The following CCDC63 variants were observed in gnomAD, a reference collection of about 807,000 sequenced individuals.
The protein encoded by CCDC63 is coiled-coil domain containing 63.
Under a neutral mutation model 63.6 loss-of-function variants are expected in CCDC63, and 54 were observed. That is an observed-to-expected ratio of 0.85 (90% CI 0.68 to 1.07). The LOEUF (loss-of-function observed/expected upper bound fraction) is 1.07. Ranked by LOEUF, CCDC63 falls within the 50% of genes least tolerant of loss-of-function variation. CCDC63 has a pLI of 0.00. For missense variants in CCDC63, 637 were observed against 689.6 expected (o/e 0.92, Z 0.86); for synonymous variants, 253 against 266.1 (o/e 0.95, Z 0.48).
At chr12:110,851,579 G>A (rs1231273728) in intron 1 of CCDC63, among the ~76,000 whole-genome samples, 5 of 152,160 alleles carry the variant, frequency 3.3e-5, no homozygotes, top group Non-Finnish European at 4.4e-5. Context: ...AGAGTCGGAT[G>A]CCCCAATCTT....
chr12:110,848,530 A>C (rs1446682810), intron 1 of CCDC63, among the ~76,000 whole-genome samples: 1 of 152,158 alleles, frequency 6.6e-6, no homozygotes, highest in Non-Finnish European at 1.5e-5. Flanking sequence ...GATCAGCAAA[A>C]AGGCAGGAGG....
chr12:110,873,774 G>T, intron 4 of CCDC63, 68 bp from the exon 5 acceptor site: 1 of 1,567,442 alleles, frequency 6.4e-7, no homozygotes. Flanking sequence ...TTCAGTTAGT[G>T]AACTGTAGAA....
intron 2 of CCDC63, among the ~76,000 whole-genome samples, chr12:110,853,180 T>A (rs1025337328): frequency 6.6e-6 from 1 of 151,600 alleles, no homozygotes; most frequent in Non-Finnish European, 1.5e-5. Context: ...AAGAATACCC[T>A]CCCCTCACCA....
rs746010618 is a variant in CCDC63, at chr12:110,853,495, C to A, written c.100C>A (p.Leu34Ile). Residue 34 changes from leucine to isoleucine, a missense_variant, in exon 3 of 12, where the codon CTA (leucine) becomes ATA (isoleucine). Coordinates refer to ENST00000308208, the MANE Select transcript of CCDC63 (RefSeq NM_152591.3). ...EQQAEAELRK[L>I]RQQFRKMVES... ...GCAGGCGGAGGCAGAGCTCCGGAAGCTAAGGCAGCAGTTCAGGAAGATGGT... is the reference window on the plus strand; with the variant it reads ...GCAGGCGGAGGCAGAGCTCCGGAAGATAAGGCAGCAGTTCAGGAAGATGGT... 1.9e-6 allele frequency: 3 copies of A among 1,614,218 alleles called. No individual in the cohort carries two copies. The highest frequency in any genetic ancestry group is 2.5e-6 in the Non-Finnish European group (3 of 1,180,040).
intron 4 of CCDC63, among the ~76,000 whole-genome samples, chr12:110,870,226 C>A (rs538702802): frequency 6.6e-6 from 1 of 152,064 alleles, no homozygotes; most frequent in Non-Finnish European, 1.5e-5. Flanking sequence ...GAATTACAGG[C>A]GCCCACCACC....
chr12:110,869,111 A>G (rs1282101750), intron 4 of CCDC63, among the ~76,000 whole-genome samples: 1 of 152,210 alleles, frequency 6.6e-6, no homozygotes, highest in African/African-American at 2.4e-5. Flanking sequence ...ACGGAATCCC[A>G]GATGCAACTG....
chr12:110,854,860 G>A (rs578189915), intron 3 of CCDC63, among the ~76,000 whole-genome samples: 1 of 152,250 alleles, frequency 6.6e-6, no homozygotes, highest in African/African-American at 2.4e-5. Flanking sequence ...GTGCAGTGGT[G>A]CCATCTCGGC....
intron 4 of CCDC63, among the ~76,000 whole-genome samples, chr12:110,862,162 A>G (rs2070862339): frequency 6.6e-6 from 1 of 152,234 alleles, no homozygotes; most frequent in South Asian, 2.1e-4. Flanking sequence ...AAAGAGAAAA[A>G]TTGAAGAGGA....
chr12:110,874,800 C>T (rs1406261285), intron 5 of CCDC63, among the ~76,000 whole-genome samples: 4 of 152,158 alleles, frequency 2.6e-5, no homozygotes, highest in African/African-American at 9.7e-5. Flanking sequence ...TACCCTGGGG[C>T]CCCTCTCCTC....
intron 7 of CCDC63, among the ~76,000 whole-genome samples, chr12:110,883,447 G>T (rs1355990182): frequency 6.6e-6 from 1 of 152,190 alleles, no homozygotes; most frequent in Non-Finnish European, 1.5e-5. Flanking sequence ...TACCATGCCC[G>T]GCCAGGGCAG....
intron 4 of CCDC63, among the ~76,000 whole-genome samples, chr12:110,873,572 G>C (rs2071092647): frequency 6.6e-6 from 1 of 152,190 alleles, no homozygotes; most frequent in Non-Finnish European, 1.5e-5. Flanking sequence ...TACATGCACA[G>C]GTGACAGCAA....
intron 4 of CCDC63, among the ~76,000 whole-genome samples, chr12:110,861,251 CA>C (rs2070849645): frequency 6.6e-6 from 1 of 152,168 alleles, no homozygotes; most frequent in Non-Finnish European, 1.5e-5. Flanking sequence ...GACACAGAGC[CA>C]AACCAGATCA....
intron 3 of CCDC63, among the ~76,000 whole-genome samples, chr12:110,857,278 A>AC (rs201988397): frequency 0.012 from 1,651 of 141,734 alleles, 29 homozygotes; most frequent in East Asian, 0.099. Context: ...GGCGCCCACC[A>AC]CCCCCCCCGG....
intron 8 of CCDC63, among the ~76,000 whole-genome samples, chr12:110,890,886 C>G (rs1375431690): frequency 6.7e-6 from 1 of 148,542 alleles, no homozygotes; most frequent in Non-Finnish European, 1.5e-5. Context: ...AAGGGATTCT[C>G]CTACCTCAGC....
At chr12:110,872,282 T>C (rs963567627) in intron 4 of CCDC63, among the ~76,000 whole-genome samples, 4 of 152,134 alleles carry the variant, frequency 2.6e-5, no homozygotes, top group Non-Finnish European at 5.9e-5. Context: ...TCAATAAAAC[T>C]TTATTGACAA....
intron 10 of CCDC63, among the ~76,000 whole-genome samples, chr12:110,900,918 A>G (rs1040559361): frequency 4.6e-5 from 7 of 151,698 alleles, no homozygotes; most frequent in African/African-American, 1.7e-4. Flanking sequence ...TTCTTAGTAC[A>G]CTCTGTGTTT....
Position 110,861,965 on chromosome 12 carries a change from C to T in CCDC63, c.369+3190C>T, listed in dbSNP as rs369876856. Among the ~76,000 whole-genome samples, 10 of 152,240 alleles carry T rather than the reference C, an allele frequency of 6.6e-5. No individual in the cohort carries two copies. In the South Asian group the frequency reaches 1.0e-3, roughly 16 times the overall value. On this transcript the variant is annotated intron_variant, in intron 4 of 11. Transcript: ENST00000308208. The stretch of plus-strand genomic sequence containing the variant: ...CGAAATACCTTGTGTCTCCTGTCCC[C>T]TAGGGCTTGACGCCCCCTTCGTGGC...
At chr12:110,872,601 T>G (rs942486989) in intron 4 of CCDC63, among the ~76,000 whole-genome samples, 9 of 152,180 alleles carry the variant, frequency 5.9e-5, no homozygotes, top group African/African-American at 2.2e-4. Flanking sequence ...AAATTCTGTG[T>G]GTGTACATAG....
chr12:110,863,838 A>G (rs941033864), intron 4 of CCDC63, among the ~76,000 whole-genome samples: 9 of 152,084 alleles, frequency 5.9e-5, no homozygotes, highest in African/African-American at 1.7e-4. Context: ...ACCATGTCCA[A>G]CCTCCAGGGA....
Sources: gnomAD v4.1 joint callset for allele counts (sites outside exome capture counted in the v4.1 genomes callset) on GRCh38, gnomAD v4.1.1 for gene constraint, MANE v1.5 for transcripts, NCBI Gene and HGNC (gene_info 2026-07-23, HGNC 2026-07-21) for gene names.